Variants in OAT observed in about 807,000 individuals in gnomAD.
OAT encodes the protein ornithine aminotransferase.
OAT carries 35 observed loss-of-function variants against 48.4 expected under a neutral mutation model. The observed-to-expected ratio is 0.72, with a 90% CI of 0.55 to 0.96. The LOEUF (loss-of-function observed/expected upper bound fraction) is 0.96. Ranked by LOEUF, OAT falls within the 40% of genes least tolerant of loss-of-function variation. The probability of loss-of-function intolerance (pLI) is 0.00; values close to 1 mark genes in which losing one functional copy is unlikely to be tolerated. For synonymous variants in OAT, 182 were observed against 198.4 expected (o/e 0.92, Z 0.70); for missense variants, 438 against 537.9 (o/e 0.81, Z 1.84).
intron 2 of OAT, 135 bp downstream of exon 2, chr10:124,411,838 G>C (rs1951762379): frequency 2.9e-6 from 2 of 685,164 alleles, no homozygotes; most frequent in Non-Finnish European, 4.9e-6. Context: ...AAAAAAAGAA[G>C]AAGAAGAATT....
intron 1 of OAT, among the ~76,000 whole-genome samples, chr10:124,416,279 T>C (rs1951916705): frequency 6.6e-6 from 1 of 152,172 alleles, no homozygotes; most frequent in African/African-American, 2.4e-5. Context: ...TGGGCCTTTA[T>C]CAGATAAAGA....
chr10:124,398,594 C>A (rs1026167226), intron 9 of OAT, among the ~76,000 whole-genome samples: 7 of 146,240 alleles, frequency 4.8e-5, no homozygotes, highest in African/African-American at 1.8e-4. Flanking sequence ...TCAGCAAGCA[C>A]ATAACTAGGT....
At chr10:124,408,317 G>GTA (rs1173599560) in intron 4 of OAT, among the ~76,000 whole-genome samples, 29 of 83,206 alleles carry the variant, frequency 3.5e-4, no homozygotes, top group East Asian at 1.6e-3. Flanking sequence ...GTGTGTGTGT[G>GTA]TATATATATA....
At chr10:124,413,481 C>T (rs1028114637) in intron 1 of OAT, among the ~76,000 whole-genome samples, 2 of 152,060 alleles carry the variant, frequency 1.3e-5, no homozygotes, top group African/African-American at 4.8e-5. Context: ...ATCGGGAGTT[C>T]GAGACCAGCC....
At chr10:124,409,048 T>C in intron 2 of OAT, 83 bp from the exon 3 acceptor site, 2 of 909,480 alleles carry the variant, frequency 2.2e-6, no homozygotes, top group South Asian at 2.9e-5. Context: ...TAGCAAGCCC[T>C]CTGAATGCCT....
chr10:124,409,053 A>T, intron 2 of OAT, 88 bp from the exon 3 acceptor site: 2 of 831,300 alleles, frequency 2.4e-6, no homozygotes, highest in Non-Finnish European at 4.0e-6. Context: ...AGCCCTCTGA[A>T]TGCCTATATA....
intron 6 of OAT, chr10:124,403,452 C>G (rs539724796): frequency 7.2e-6 from 3 of 414,834 alleles, no homozygotes; most frequent in African/African-American, 6.1e-5. Context: ...CTACTATTAG[C>G]CCTGGGGGAA....
At chr10:124,407,505 G>A (rs994192741) in intron 4 of OAT, 6 of 946,496 alleles carry the variant, frequency 6.3e-6, no homozygotes, top group Non-Finnish European at 5.0e-6. Context: ...ATTTTTAAAT[G>A]GCAAGTTACA....
At chr10:124,398,991 T>TGGCGACAGACACTCCAGCCC in intron 9 of OAT, among the ~76,000 whole-genome samples, 1 of 151,786 alleles carries the variant, frequency 6.6e-6, no homozygotes, top group Admixed American at 6.6e-5. Flanking sequence ...TACTCCAGCC[T>TGGCGACAGACACTCCAGCCC]GGCGACAGAC....
At chr10:124,406,949 C>T in intron 4 of OAT, 1 of 985,076 alleles carries the variant, frequency 1.0e-6, no homozygotes. Context: ...GAGAGGATGA[C>T]ATTCAAGAAG....
intron 1 of OAT, among the ~76,000 whole-genome samples, chr10:124,415,957 T>C (rs77904400): frequency 0.038 from 5,753 of 152,292 alleles, 357 homozygotes; most frequent in African/African-American, 0.13. Context: ...CACACCATTT[T>C]TCAGTTGATA....
intron 5 of OAT, 75 bp downstream of exon 5, chr10:124,405,361 T>C: frequency 2.5e-6 from 4 of 1,598,292 alleles, no homozygotes; most frequent in Non-Finnish European, 3.4e-6. Flanking sequence ...TCATATAATG[T>C]ACTTTTAATT....
Position 124,408,284 on chromosome 10 carries a change from AGTGTGTGTGTGTGTGT to A in OAT, c.520+242_520+257del, listed in dbSNP as rs71026082. Among the ~76,000 whole-genome samples the A allele has an allele frequency of 8.6e-5, 7 of 81,268 alleles. No homozygotes were observed. In the East Asian group the frequency reaches 1.0e-3, roughly 12 times the overall value. 53.3% of individuals were successfully genotyped at this position (81,268 alleles called of 152,430 possible). ...ATGTTTTTTATATATAAAATATATA[AGTGTGTGTGTGTGTGT>A]GTGTGTGTGTGTGTGTGTATATATA... On this transcript the variant is annotated intron_variant, in intron 4 of 9. Coordinates refer to ENST00000368845, the MANE Select transcript of OAT (RefSeq NM_000274.4).
chr10:124,408,346 T>A lies in OAT; in HGVS notation c.520+196A>T, dbSNP rs1469277033. Among the ~76,000 whole-genome samples the A allele has an allele frequency of 5.6e-3, 534 of 95,184 alleles. 2 individuals carry two copies. Among genetic ancestry groups the A allele is most frequent in the East Asian group, 0.013 (42 of 3,358 alleles). The allele number at this position is 95,184 out of a possible 152,430, so 62.4% of individuals were successfully genotyped here. On this transcript the variant is annotated intron_variant, in intron 4 of 9. Coordinates refer to ENST00000368845, the MANE Select transcript of OAT (RefSeq NM_000274.4). ...ATATATATATATATATATATATATTTTTTTTTTTTTTTTTTAAATAGAGAC... is the reference window on the plus strand; with the variant it reads ...ATATATATATATATATATATATATTATTTTTTTTTTTTTTTAAATAGAGAC...
rs569605240 is a variant in OAT at position 124,408,862 on chromosome 10, C to T, written c.303G>A (p.Leu101=). ...AGGTCAATTTGTCCACTTGACTCTTCAGAGCATTCACAATCTTGGGGTGAC... is the reference window on the plus strand; with the variant it reads ...AGGTCAATTTGTCCACTTGACTCTTTAGAGCATTCACAATCTTGGGGTGAC... ...GHCHPKIVNA[L]KSQVDKLTLT... Residue 101 remains leucine, a synonymous_variant, in exon 3 of 10, where the codon CTG becomes CTA. Coordinates refer to ENST00000368845, the MANE Select transcript of OAT (RefSeq NM_000274.4). 11 of 1,613,378 alleles carry T rather than the reference C, an allele frequency of 6.8e-6. No individual in the cohort carries two copies. The East Asian group carries it at 2.5e-4, about 36-fold the overall frequency.
chr10:124,410,025 A>G (rs1305959418), intron 2 of OAT, among the ~76,000 whole-genome samples: 5 of 152,234 alleles, frequency 3.3e-5, no homozygotes, highest in African/African-American at 1.2e-4. Flanking sequence ...TCAAAAGAAG[A>G]TATGTCTACA....
rs1951552193 is a variant in OAT at position 124,405,548 on chromosome 10, C to T, written c.536G>A (p.Gly179Asp). The T allele has an allele frequency of 6.2e-7, 1 of 1,613,804 alleles. No homozygotes were observed. The highest frequency in any genetic ancestry group is 8.5e-7 in the Non-Finnish European group (1 of 1,179,882). The part of the protein sequence containing the change: ...KIVFAAGNFW[G>D]RTLSAISSST... ...ACTGGAGATAGCAGACAACGTCCTACCCCAGAAGTTCCCAGCTACAAAGGG... is the reference window on the plus strand; with the variant it reads ...ACTGGAGATAGCAGACAACGTCCTATCCCAGAAGTTCCCAGCTACAAAGGG... The change falls in exon 5 of 10, where the codon GGT (glycine) becomes GAT (aspartate). Residue 179 changes from glycine to aspartate, a missense_variant. By Grantham distance (94) the Gly-to-Asp change is moderately conservative. Transcript: ENST00000368845.
At chr10:124,400,318 C>T (rs893030379) in intron 9 of OAT, among the ~76,000 whole-genome samples, 2 of 151,180 alleles carry the variant, frequency 1.3e-5, no homozygotes, top group African/African-American at 2.4e-5. Flanking sequence ...CGTGTTGGCA[C>T]GTGCCTGTAA....
rs75914829 is a variant in OAT at position 124,405,243 on chromosome 10, G to C, written c.648+193C>G. On this transcript the variant is annotated intron_variant, in intron 5 of 9. Transcript: ENST00000368845. ...TCTAAAGTAGTTGGCTGGCTGTACA[G>C]AGTAGATCACAGAACTCAGCTTTCT... is the stretch of plus-strand genomic sequence containing the variant. Among the ~76,000 whole-genome samples, 5,767 of 152,252 alleles carry C rather than the reference G, an allele frequency of 0.038. 359 individuals carry two copies. The highest frequency in any genetic ancestry group is 0.13 in the African/African-American group (5,331 of 41,526).
Sources: gnomAD v4.1 joint callset for allele counts (sites outside exome capture counted in the v4.1 genomes callset) on GRCh38, gnomAD v4.1.1 for gene constraint, MANE v1.5 for transcripts, NCBI Gene and HGNC (gene_info 2026-07-23, HGNC 2026-07-21) for gene names.